The following DISP1 variants were observed in gnomAD, a reference collection of about 807,000 sequenced individuals.
The protein encoded by DISP1 is protein dispatched homolog 1.
A neutral mutation model predicts 37.3 loss-of-function variants in DISP1; 30 were observed. That is an observed-to-expected ratio of 0.80 (90% CI 0.60 to 1.09). DISP1 has a LOEUF of 1.09. Among genes scored for constraint, DISP1 ranks in the 50% least tolerant of loss-of-function variants. The probability of loss-of-function intolerance (pLI) is 0.00; values close to 1 mark genes in which losing one functional copy is unlikely to be tolerated. For synonymous variants in DISP1, 634 were observed against 690.2 expected (o/e 0.92, Z 1.28); for missense variants, 1,598 against 1,879.5 (o/e 0.85, Z 2.77).
At chr1:222,989,449 C>T in intron 4 of DISP1, 1 of 985,276 alleles carries the variant, frequency 1.0e-6, no homozygotes, top group East Asian at 1.1e-4. Context: ...CATATCAAGA[C>T]TTGGAAGTGC....
At chr1:222,963,734 G>C (rs115417512) in intron 3 of DISP1, among the ~76,000 whole-genome samples, 19,010 of 151,704 alleles carry the variant, frequency 0.13, 1,547 homozygotes, top group Non-Finnish European at 0.19. Context: ...ATGGACACTG[G>C]GGGGGAACAA....
intron 1 of DISP1, among the ~76,000 whole-genome samples, chr1:222,859,502 G>A (rs1011866826): frequency 3.9e-5 from 6 of 152,060 alleles, no homozygotes; most frequent in Admixed American, 3.9e-4. Flanking sequence ...TTAAAAAAGT[G>A]GTAATTAAAA....
At chr1:222,882,424 G>A (rs1469071555) in intron 1 of DISP1, among the ~76,000 whole-genome samples, 1 of 152,124 alleles carries the variant, frequency 6.6e-6, no homozygotes, top group Non-Finnish European at 1.5e-5. Context: ...ACCTGGGAAT[G>A]GCAAATATTT....
chr1:222,866,992 C>A (rs1012665505), intron 1 of DISP1, among the ~76,000 whole-genome samples: 1 of 152,122 alleles, frequency 6.6e-6, no homozygotes, highest in Non-Finnish European at 1.5e-5. Context: ...AGAATTATAC[C>A]ATCCTAGCAA....
At chr1:222,888,716 A>T (rs1670779325) in intron 1 of DISP1, among the ~76,000 whole-genome samples, 1 of 152,154 alleles carries the variant, frequency 6.6e-6, no homozygotes, top group South Asian at 2.1e-4. Flanking sequence ...AAATCGTCTT[A>T]AACATCAACA....
intron 4 of DISP1, among the ~76,000 whole-genome samples, chr1:222,988,247 A>G (rs2789956): frequency 0.92 from 140,753 of 152,274 alleles, 66,043 homozygotes; most frequent in East Asian, 1. Flanking sequence ...TTAACTATAA[A>G]TAGGGCTAGG....
At chr1:222,821,211 A>G (rs182142777) in intron 1 of DISP1, among the ~76,000 whole-genome samples, 13 of 152,306 alleles carry the variant, frequency 8.5e-5, no homozygotes, top group African/African-American at 2.9e-4. Flanking sequence ...GCTGTCTCCA[A>G]TTAATTCAGA....
intron 1 of DISP1, among the ~76,000 whole-genome samples, chr1:222,874,557 C>G (rs1358445891): frequency 1.3e-5 from 2 of 152,116 alleles, no homozygotes; most frequent in African/African-American, 4.8e-5. Flanking sequence ...GCATCGGTTA[C>G]TGAGGCTTGT....
chr1:222,815,491 CAG>C (rs1253974852), intron 1 of DISP1, among the ~76,000 whole-genome samples: 1 of 152,142 alleles, frequency 6.6e-6, no homozygotes, highest in Non-Finnish European at 1.5e-5. Flanking sequence ...AGGAGGGAGT[CAG>C]TCCTTCTCTG....
At chr1:222,917,964 C>T (rs546915779) in intron 1 of DISP1, among the ~76,000 whole-genome samples, 1 of 152,150 alleles carries the variant, frequency 6.6e-6, no homozygotes. Flanking sequence ...GCTGTCAGAC[C>T]TCTGGGCAGA....
In DISP1 at chr1:222,893,339, A is replaced by C. The variant is rs1302746992; in HGVS notation, c.-158-35091A>C. On this transcript the variant is annotated intron_variant, in intron 1 of 8. Coordinates refer to ENST00000675850, the MANE Select transcript of DISP1 (RefSeq NM_001377229.1). This position sits in a 1 kb window ranked among gnomAD's most constrained non-coding sequence, Gnocchi z 4.3. The stretch of plus-strand genomic sequence containing the variant: ...CTTGGGATGTTACTTCGCCAACTGG[A>C]AACCTCTGTAGCTGGCGGAGCCTTC... Among the ~76,000 whole-genome samples the C allele has an allele frequency of 6.6e-6, 1 of 152,238 alleles. No individual in the cohort carries two copies. Among genetic ancestry groups the C allele is most frequent in the African/African-American group, 2.4e-5 (1 of 41,470 alleles).
At chr1:222,956,513 T>G (rs1439436536) in intron 3 of DISP1, among the ~76,000 whole-genome samples, 1 of 152,204 alleles carries the variant, frequency 6.6e-6, no homozygotes, top group Non-Finnish European at 1.5e-5. Flanking sequence ...GGTTGGTTGG[T>G]TTTTTTCATT....
chr1:222,860,626 C>T (rs1040285406), intron 1 of DISP1, among the ~76,000 whole-genome samples: 3 of 152,064 alleles, frequency 2.0e-5, no homozygotes, highest in African/African-American at 7.2e-5. Context: ...GTCGCTCACG[C>T]CTGTAATCCC....
chr1:222,836,455 C>T (rs1028786120), intron 1 of DISP1, among the ~76,000 whole-genome samples: 2 of 152,080 alleles, frequency 1.3e-5, no homozygotes, highest in African/African-American at 4.8e-5. Flanking sequence ...GACAGACAAA[C>T]TTTATTTTCA....
At chr1:222,846,445 T>A (rs1162430474) in intron 1 of DISP1, among the ~76,000 whole-genome samples, 1 of 152,046 alleles carries the variant, frequency 6.6e-6, no homozygotes, top group Non-Finnish European at 1.5e-5. Flanking sequence ...GAGCTGAGAT[T>A]GTGCCATTGC....
Position 222,943,342 on chromosome 1 carries a change from C to T in DISP1, c.509+10C>T. The T allele has an allele frequency of 6.2e-7, 1 of 1,614,196 alleles. No homozygotes were observed. The highest frequency in any genetic ancestry group is 1.3e-5 in the African/African-American group (1 of 75,050). ...ACATAGCCAACATAAGGTAAGTGAT[C>T]CGAAAGTTTTGCTTTTAGCATTCAA... On this transcript the variant is annotated intron_variant, in intron 3 of 8. Transcript: ENST00000675850.
chr1:222,888,786 C>G (rs566789401), intron 1 of DISP1, among the ~76,000 whole-genome samples: 1 of 151,684 alleles, frequency 6.6e-6, no homozygotes, highest in African/African-American at 2.4e-5. Flanking sequence ...TTAGTGACAA[C>G]TTTATCTTGA....
intron 1 of DISP1, among the ~76,000 whole-genome samples, chr1:222,885,201 C>G (rs1030217490): frequency 2.0e-5 from 3 of 152,032 alleles, no homozygotes; most frequent in Non-Finnish European, 4.4e-5. Context: ...AAGGAAGATC[C>G]ATTTCTTCTT....
At chr1:222,871,468 G>T (rs1296637770) in intron 1 of DISP1, among the ~76,000 whole-genome samples, 5 of 152,016 alleles carry the variant, frequency 3.3e-5, no homozygotes, top group Non-Finnish European at 7.4e-5. Flanking sequence ...TTATTTCATT[G>T]AGCAGTGGTT....
Sources: gnomAD v4.1 joint callset for allele counts (sites outside exome capture counted in the v4.1 genomes callset) on GRCh38, gnomAD v4.1.1 for gene constraint, Gnocchi (gnomAD v3.1) non-coding constraint, MANE v1.5 for transcripts, NCBI Gene and HGNC (gene_info 2026-07-23, HGNC 2026-07-21) for gene names.